ANKRD36: variants seen among roughly 807,000 people sequenced by gnomAD.
The protein encoded by ANKRD36 is ankyrin repeat domain 36.
Under a neutral mutation model 278.1 loss-of-function variants are expected in ANKRD36, and 179 were observed. The observed-to-expected ratio is 0.64, with a 90% CI of 0.57 to 0.73. The LOEUF (loss-of-function observed/expected upper bound fraction) is 0.73, where lower values mean the gene tolerates loss of function less well. Among genes scored for constraint, ANKRD36 ranks in the 30% least tolerant of loss-of-function variants. The pLI is 0.00. For synonymous variants in ANKRD36, 320 were observed against 641.1 expected (o/e 0.50, Z 7.57); for missense variants, 1,159 against 1,956.7 (o/e 0.59, Z 7.69).
chr2:97,124,633 A>T (rs1443498534), intron 5 of ANKRD36, 36 bp downstream of exon 5: 4 of 1,528,552 alleles, frequency 2.6e-6, no homozygotes, highest in African/African-American at 2.8e-5. Context: ...TGAACACTAA[A>T]TTGAAGTTTA....
chr2:97,221,775 T>G (rs2067775076), intron 66 of ANKRD36, among the ~76,000 whole-genome samples: 2 of 147,872 alleles, frequency 1.4e-5, no homozygotes, highest in Admixed American at 1.3e-4. Context: ...AGAAGCTCTT[T>G]AGTTTAATTA....
At chr2:97,117,462 G>T (rs2153403327) in intron 1 of ANKRD36, among the ~76,000 whole-genome samples, 1 of 152,092 alleles carries the variant, frequency 6.6e-6, no homozygotes, top group South Asian at 2.1e-4. Context: ...AATGTTGCCA[G>T]TTATAAATGT....
At chr2:97,240,940 G>A (rs1287519449) in intron 68 of ANKRD36, among the ~76,000 whole-genome samples, 1 of 118,502 alleles carries the variant, frequency 8.4e-6, no homozygotes, top group Non-Finnish European at 1.6e-5. Flanking sequence ...TCTTCCCTGG[G>A]TGAAGTATAG....
chr2:97,192,373 G>T (rs562904799), intron 36 of ANKRD36, among the ~76,000 whole-genome samples: 1 of 151,666 alleles, frequency 6.6e-6, no homozygotes, highest in Admixed American at 6.6e-5. Flanking sequence ...TGAAGTGTAC[G>T]TTCAACTGAA....
In ANKRD36 at chr2:97,226,979, G is replaced by A. The variant is rs537201912; in HGVS notation, c.3951+2100G>A. Among the ~76,000 whole-genome samples the A allele has an allele frequency of 2.3e-3, 346 of 152,134 alleles. 2 individuals carry two copies. Among genetic ancestry groups the A allele is most frequent in the African/African-American group, 8.0e-3 (331 of 41,542 alleles). ...CTGATGGCTCTGTTCTGTTCCATTG[G>A]TCTATATCTCTGTTTTGGTACCAGT... On this transcript the variant is annotated intron_variant, in intron 67 of 75. Transcript: ENST00000420699.
intron 36 of ANKRD36, among the ~76,000 whole-genome samples, chr2:97,192,476 G>C (rs907430897): frequency 1.2e-4 from 18 of 151,674 alleles, no homozygotes; most frequent in African/African-American, 3.9e-4. Flanking sequence ...CTTTTGATTT[G>C]TTGCATGAAA....
chr2:97,224,436 GT>G (rs1457069314), intron 66 of ANKRD36, among the ~76,000 whole-genome samples: 2 of 142,478 alleles, frequency 1.4e-5, no homozygotes, highest in East Asian at 2.9e-4. Flanking sequence ...CTATCGTTTT[GT>G]TTTTTTGTTT....
chr2:97,173,824 G>A (rs1439687452), intron 22 of ANKRD36, among the ~76,000 whole-genome samples: 6 of 151,518 alleles, frequency 4.0e-5, no homozygotes, highest in African/African-American at 1.5e-4. Flanking sequence ...CTCCCTAGAA[G>A]TTTTGCACAT....
intron 38 of ANKRD36, 151 bp from the exon 39 acceptor site, chr2:97,194,575 C>G (rs2059258445): frequency 1.4e-6 from 2 of 1,436,204 alleles, no homozygotes; most frequent in East Asian, 4.9e-5. Flanking sequence ...GTATTTCTGA[C>G]ATGTTCTGGT....
chr2:97,118,090 C>T lies in ANKRD36; in HGVS notation c.224C>T (p.Thr75Ile), dbSNP rs1348210857. 7.7e-6 allele frequency: 12 copies of T among 1,556,220 alleles called. No homozygotes were observed. Among genetic ancestry groups the T allele is most frequent in the Admixed American group, 5.8e-5 (3 of 51,608 alleles). The stretch of plus-strand genomic sequence containing the variant: ...ACCGCCCTACATTTGGCCTGTGCCA[C>T]TGGCCAACCGGAAATGGTACATCTC... Reference protein sequence around the residue: ...ERTALHLACATGQPEMVHLLV... With the variant: ...ERTALHLACAIGQPEMVHLLV... Residue 75 changes from threonine (T) to isoleucine (I), a missense_variant, in exon 2 of 76, where the codon ACT becomes ATT. Thr to Ile is a moderately conservative substitution (Grantham distance 89, BLOSUM62 -1). Coordinates refer to ENST00000420699, the MANE Select transcript of ANKRD36 (RefSeq NM_001354587.1).
chr2:97,192,686 C>G (rs948412390), intron 36 of ANKRD36, among the ~76,000 whole-genome samples, 172 bp from the exon 37 acceptor site: 1 of 151,630 alleles, frequency 6.6e-6, no homozygotes, highest in African/African-American at 2.4e-5. Context: ...CCTGTATTCC[C>G]TTTTTTCAGT....
chr2:97,138,436 G>A (rs866820323), intron 6 of ANKRD36, among the ~76,000 whole-genome samples: 50 of 152,092 alleles, frequency 3.3e-4, no homozygotes, highest in Middle Eastern at 3.4e-3. Flanking sequence ...GGAAATAAGA[G>A]ACACAAACAA....
chr2:97,194,607 C>T, intron 38 of ANKRD36, 119 bp from the exon 39 acceptor site: 1 of 1,552,888 alleles, frequency 6.4e-7, no homozygotes, highest in East Asian at 2.4e-5. Context: ...AAGTAGAAGC[C>T]ATCAAAGCGT....
chr2:97,182,979 A>G (rs1291008250), intron 26 of ANKRD36, among the ~76,000 whole-genome samples: 1 of 151,666 alleles, frequency 6.6e-6, no homozygotes, highest in Admixed American at 6.6e-5. Flanking sequence ...ACATTCTACT[A>G]AAGTGTCATT....
At chr2:97,184,460 A>G (rs2056958773) in intron 28 of ANKRD36, among the ~76,000 whole-genome samples, 1 of 151,770 alleles carries the variant, frequency 6.6e-6, no homozygotes, top group Non-Finnish European at 1.5e-5. Flanking sequence ...TAATACAATG[A>G]TATTCCAGAG....
intron 22 of ANKRD36, among the ~76,000 whole-genome samples, chr2:97,171,245 T>C (rs2052392239): frequency 7.0e-6 from 1 of 142,016 alleles, no homozygotes; most frequent in Non-Finnish European, 1.5e-5. Context: ...TAAAGACACA[T>C]GCACACGTAT....
At chr2:97,200,672 G>T (rs1164418819) in intron 46 of ANKRD36, 147 bp downstream of exon 46, 6 of 1,320,280 alleles carry the variant, frequency 4.5e-6, no homozygotes, top group Non-Finnish European at 6.1e-6. Context: ...CTTGGGTTAT[G>T]CTGATGCTGC....
At chr2:97,192,577 C>T (rs551297709) in intron 36 of ANKRD36, among the ~76,000 whole-genome samples, 1 of 151,842 alleles carries the variant, frequency 6.6e-6, no homozygotes, top group African/African-American at 2.4e-5. Flanking sequence ...GTCCGCATCA[C>T]TTGGCATATG....
chr2:97,182,193 G>A (rs2056420101), intron 26 of ANKRD36, among the ~76,000 whole-genome samples: 1 of 150,930 alleles, frequency 6.6e-6, no homozygotes, highest in African/African-American at 2.4e-5. Context: ...ACTGTAGAAC[G>A]AGAGCTAAGG....
Sources: gnomAD v4.1 joint callset for allele counts (sites outside exome capture counted in the v4.1 genomes callset) on GRCh38, gnomAD v4.1.1 for gene constraint, MANE v1.5 for transcripts, NCBI Gene and HGNC (gene_info 2026-07-23, HGNC 2026-07-21) for gene names.